The following ITIH5 variants were observed in gnomAD, a reference collection of about 807,000 sequenced individuals.
ITIH5 encodes inter-alpha-trypsin inhibitor heavy chain H5.
In ITIH5, 65 loss-of-function variants were observed where a neutral mutation model predicts 77.5. That is an observed-to-expected ratio of 0.84 (90% confidence interval 0.69 to 1.03). ITIH5 has a LOEUF of 1.03. Among genes scored for constraint, ITIH5 ranks in the 50% least tolerant of loss-of-function variants. The pLI is 0.00. For missense variants in ITIH5, 1,208 were observed against 1,213.1 expected (o/e 1.00, Z 0.06); for synonymous variants, 525 against 494.3 (o/e 1.06, Z -0.82).
At chr10:7,603,627 A>G (rs1833060120) in intron 7 of ITIH5, among the ~76,000 whole-genome samples, 1 of 152,200 alleles carries the variant, frequency 6.6e-6, no homozygotes, top group Non-Finnish European at 1.5e-5. Context: ...TCTGTCGTCC[A>G]GGCTGGAGTG....
intron 7 of ITIH5, among the ~76,000 whole-genome samples, chr10:7,595,092 G>A (rs530636762): frequency 6.6e-6 from 1 of 152,164 alleles, no homozygotes; most frequent in Non-Finnish European, 1.5e-5. Context: ...TAGGAGCAAT[G>A]GCTGTGGTCC....
intron 7 of ITIH5, among the ~76,000 whole-genome samples, chr10:7,605,231 CGCATCTCTCTCATTCT>C (rs1564256324): frequency 6.6e-6 from 1 of 151,540 alleles, no homozygotes; most frequent in African/African-American, 2.4e-5. Flanking sequence ...GCACATGTCA[CGCATCTCTCTCATTCT>C]GCTTGGATCC....
At chr10:7,606,153 A>G (rs1192436826) in intron 7 of ITIH5, among the ~76,000 whole-genome samples, 2 of 152,254 alleles carry the variant, frequency 1.3e-5, no homozygotes, top group Non-Finnish European at 2.9e-5. Flanking sequence ...CACTGCCGGT[A>G]GGAATGTAAA....
At chr10:7,631,632 G>A (rs1213656783) in intron 5 of ITIH5, among the ~76,000 whole-genome samples, 1 of 152,158 alleles carries the variant, frequency 6.6e-6, no homozygotes, top group Non-Finnish European at 1.5e-5. Context: ...GCAGGAGATG[G>A]GAAGAGGTTG....
chr10:7,561,699 T>C lies in ITIH5; in HGVS notation c.*1384A>G, dbSNP rs896269169. The stretch of plus-strand genomic sequence containing the variant: ...AATGTTTCCCCAGGGAAGGCAAACA[T>C]GATAAAGAATTTTCTTAACTCAGCT... On this transcript the variant is annotated 3_prime_UTR_variant, in exon 14 of 14. Transcript: ENST00000397146. 81 of 152,266 alleles carry C rather than the reference T, an allele frequency of 5.3e-4. 1 individual carries two copies. The highest frequency in any genetic ancestry group is 4.6e-4 in the Non-Finnish European group (31 of 68,018). The allele number at this position is 152,266 out of a possible 1,614,324, so 9.4% of individuals were successfully genotyped here.
At position 7,590,205 on chromosome 10, in the gene ITIH5, AGGACACTGCAACCTTCACCCGT is replaced by A. The variant is rs1293281355; in HGVS notation, c.940-4158_940-4137del. On this transcript the variant is annotated intron_variant, in intron 7 of 13. Coordinates refer to ENST00000397146, the MANE Select transcript of ITIH5 (RefSeq NM_030569.7). Reference sequence around the variant, plus strand: ...CTCGCTGCTCTCTGTCCCGGGACAGAGGACACTGCAACCTTCACCCGTGGTCCAAGGCGGAAGCCTGGATGTC... The same window carrying A: ...CTCGCTGCTCTCTGTCCCGGGACAGAGGTCCAAGGCGGAAGCCTGGATGTC... Among the ~76,000 whole-genome samples the A allele has an allele frequency of 2.0e-4, 31 of 152,256 alleles. No individual in the cohort carries two copies. In the East Asian group the frequency reaches 3.9e-3, roughly 19 times the overall value.
chr10:7,644,949 TATCACAC>T (rs1488580984), intron 2 of ITIH5, among the ~76,000 whole-genome samples: 13 of 5,820 alleles, frequency 2.2e-3, no homozygotes, highest in African/African-American at 5.6e-3. Flanking sequence ...CATATATATA[TATCACAC>T]ATATATATAT....
At chr10:7,572,276 G>T (rs1185441452) in intron 11 of ITIH5, 1 of 1,357,952 alleles carries the variant, frequency 7.4e-7, no homozygotes, top group Non-Finnish European at 9.8e-7. Context: ...TCTGGACACA[G>T]CAGAACAAAA....
At position 7,563,081 on chromosome 10, in the gene ITIH5, C is replaced by T; in HGVS notation, c.*2G>A. 2 of 1,613,272 alleles carry T rather than the reference C, an allele frequency of 1.2e-6. No individual in the cohort carries two copies. The highest frequency in any genetic ancestry group is 1.3e-5 in the African/African-American group (1 of 74,760). On this transcript the variant is annotated 3_prime_UTR_variant, in exon 14 of 14. Transcript: ENST00000397146. Reference sequence around the variant, plus strand: ...GCACTTGCATCTTTAAGGCTGCCAGCTTCAGAGCTCCCTGGACATTCCCCG... The same window carrying T: ...GCACTTGCATCTTTAAGGCTGCCAGTTTCAGAGCTCCCTGGACATTCCCCG...
intron 11 of ITIH5, chr10:7,571,999 G>T (rs1345170670): frequency 3.0e-6 from 3 of 1,005,504 alleles, no homozygotes; most frequent in South Asian, 4.2e-5. Flanking sequence ...TACTCAAATT[G>T]TCCAAATTTC....
At chr10:7,610,458 A>G (rs12572683) in intron 7 of ITIH5, among the ~76,000 whole-genome samples, 39,447 of 152,108 alleles carry the variant, frequency 0.26, 5,342 homozygotes, top group African/African-American at 0.3. Flanking sequence ...AATGCCAACT[A>G]TGTGTCCTAC....
Position 7,576,825 on chromosome 10 carries a change from T to C in ITIH5, c.1606A>G (p.Lys536Glu), listed in dbSNP as rs905564334. The part of the protein sequence containing the change: ...LHVEVTASNS[K>E]KFIILKTDVP... Reference sequence around the variant, plus strand: ...TCTGTCTTCAGGATGATGAATTTCTTACTGTTGCTGGCGGTGACCTCCACG... The same window carrying C: ...TCTGTCTTCAGGATGATGAATTTCTCACTGTTGCTGGCGGTGACCTCCACG... Residue 536 changes from lysine (K) to glutamate (E), a missense_variant, in exon 10 of 14, where the codon AAG (lysine) becomes GAG (glutamate). Transcript: ENST00000397146. 2 of 1,614,188 alleles carry C rather than the reference T, an allele frequency of 1.2e-6. No individual in the cohort carries two copies. The highest frequency in any genetic ancestry group is 1.7e-6 in the Non-Finnish European group (2 of 1,180,042).
At chr10:7,608,498 G>A (rs939439480) in intron 7 of ITIH5, among the ~76,000 whole-genome samples, 3 of 152,122 alleles carry the variant, frequency 2.0e-5, no homozygotes, top group African/African-American at 7.2e-5. Context: ...GCCCAGCCTC[G>A]TCTCGAACTC....
intron 5 of ITIH5, among the ~76,000 whole-genome samples, chr10:7,632,754 T>C (rs1290766321): frequency 6.6e-6 from 1 of 152,232 alleles, no homozygotes; most frequent in Non-Finnish European, 1.5e-5. Flanking sequence ...CCTTCTAGGT[T>C]ACTAGAGAGT....
intron 1 of ITIH5, among the ~76,000 whole-genome samples, chr10:7,663,414 A>G (rs1005399714): frequency 6.6e-6 from 1 of 152,222 alleles, no homozygotes; most frequent in Non-Finnish European, 1.5e-5. Flanking sequence ...CAGAACTGTT[A>G]TTTTTATAAA....
At chr10:7,625,145 A>C (rs1833555873) in intron 5 of ITIH5, among the ~76,000 whole-genome samples, 1 of 152,012 alleles carries the variant, frequency 6.6e-6, no homozygotes, top group South Asian at 2.1e-4. Context: ...TGGTGCAGAC[A>C]CACAGTGCAA....
At chr10:7,570,672 G>C (rs1832278902) in intron 11 of ITIH5, among the ~76,000 whole-genome samples, 1 of 152,134 alleles carries the variant, frequency 6.6e-6, no homozygotes, top group Non-Finnish European at 1.5e-5. Context: ...GACCAGGCTG[G>C]AGTACAGTGG....
At position 7,573,135 on chromosome 10, in the gene ITIH5, G is replaced by A. The variant is rs375499539; in HGVS notation, c.2032+7C>T. 66 of 1,612,294 alleles carry A rather than the reference G, an allele frequency of 4.1e-5. No individual in the cohort carries two copies. Among genetic ancestry groups the A allele is most frequent in the Non-Finnish European group, 5.3e-5 (62 of 1,178,576 alleles). On this transcript the variant is annotated splice_region_variant and intron_variant, in intron 11 of 13. Transcript: ENST00000397146. ...CAATCCACACACAACCGCATCCTTT[G>A]CTTTACCTGATGTTTTAGAGATTTT...
chr10:7,657,041 C>A (rs1002128916), intron 1 of ITIH5, among the ~76,000 whole-genome samples: 1 of 99,870 alleles, frequency 1.0e-5, no homozygotes, highest in African/African-American at 4.3e-5. Flanking sequence ...CGCGTTCGGC[C>A]TTTTTTTTTT....
Sources: allele counts gnomAD v4.1 joint callset (sites outside exome capture counted in the v4.1 genomes callset), GRCh38; gene constraint gnomAD v4.1.1; transcripts MANE v1.5; gene names NCBI Gene and HGNC (gene_info 2026-07-23, HGNC 2026-07-21).